MED13: variants seen among roughly 807,000 people sequenced by gnomAD.
MED13 encodes the protein mediator complex subunit 13, also known as mediator of RNA polymerase II transcription subunit 13.
A neutral mutation model predicts 225.2 loss-of-function variants in MED13; 23 were observed. That is an observed-to-expected ratio of 0.10 (90% CI 0.07 to 0.14). The LOEUF is 0.14. Among genes scored for constraint, MED13 ranks in the 10% least tolerant of loss-of-function variants. The pLI is 1.00. For missense variants in MED13, 2,197 were observed against 2,594.5 expected, an observed-to-expected ratio of 0.85 and a Z score of 3.33; for synonymous variants, 942 against 889.2, an observed-to-expected ratio of 1.06 and a Z score of -1.06.
At position 61,995,349 on chromosome 17, in the gene MED13, T is replaced by C. The variant is rs759052785; in HGVS notation, c.1984A>G (p.Lys662Glu). ...TCATCAGAAACTTTTAAAGGTTTCT[T>C]ACATTGCACCATTAACCTGCATAAA... ...TSVTELMVQC[K>E]KPLKVSDELV... Residue 662 changes from lysine to glutamate, a missense_variant, in exon 10 of 30, where the codon AAG (lysine) becomes GAG (glutamate). Coordinates refer to ENST00000397786, the MANE Select transcript of MED13 (RefSeq NM_005121.3). The C allele has an allele frequency of 6.2e-7, 1 of 1,608,792 alleles. No individual in the cohort carries two copies. Among genetic ancestry groups the C allele is most frequent in the East Asian group, 2.2e-5 (1 of 44,786 alleles).
In MED13 at chr17:61,951,060, A is replaced by G. The variant is rs551134135; in HGVS notation, c.6118-62T>C. On this transcript the variant is annotated intron_variant, in intron 27 of 29. Coordinates refer to ENST00000397786, the MANE Select transcript of MED13 (RefSeq NM_005121.3). ...CAGTGTAACTAAGTACCAGATATAA[A>G]CACAGAATGGCTCATAGCAATCAGT... The G allele has an allele frequency of 7.1e-5, 93 of 1,311,674 alleles. No individual in the cohort carries two copies. The East Asian group carries it at 2.1e-3, about 30-fold the overall frequency. 81.3% of individuals were successfully genotyped at this position (1,311,674 alleles called of 1,614,324 possible).
intron 22 of MED13, 114 bp from the exon 23 acceptor site, chr17:61,961,204 G>A (rs775801575): frequency 4.3e-6 from 4 of 938,500 alleles, no homozygotes; most frequent in Non-Finnish European, 6.2e-6. Flanking sequence ...TGACAGCTAA[G>A]CCAAAAATTG....
At chr17:62,017,400 G>A (rs1241241133) in intron 8 of MED13, among the ~76,000 whole-genome samples, 1 of 151,842 alleles carries the variant, frequency 6.6e-6, no homozygotes, top group African/African-American at 2.4e-5. Context: ...TCTAAATCAA[G>A]AGAAGAAACT....
intron 2 of MED13, among the ~76,000 whole-genome samples, chr17:62,053,912 G>C (rs1176029925): frequency 6.6e-6 from 1 of 152,146 alleles, no homozygotes; most frequent in East Asian, 1.9e-4. Context: ...AACTGCACTA[G>C]AAATTCTGTG....
At chr17:61,962,719 A>G (rs755212335) in intron 21 of MED13, 33 bp downstream of exon 21, 19 of 1,585,810 alleles carry the variant, frequency 1.2e-5, no homozygotes, top group African/African-American at 8.1e-5. Flanking sequence ...ACTGTTTTAC[A>G]TAATTTTAAC....
chr17:62,012,264 G>C (rs924330373), intron 8 of MED13, among the ~76,000 whole-genome samples: 1 of 150,502 alleles, frequency 6.6e-6, no homozygotes, highest in Non-Finnish European at 1.5e-5. Flanking sequence ...CTTTCAGTGC[G>C]CACTGAGATT....
chr17:61,982,338 C>T lies in MED13; in HGVS notation c.3665G>A (p.Arg1222His), dbSNP rs199889415. ...ATTGCAACAGTCACGCTCTTCAACA[C>T]GTACCCAATTGCTAATTACACCACT... is the stretch of plus-strand genomic sequence containing the variant. ...PKSGVISNWVRVEERDCCNDC... is the reference protein window; with the variant it reads ...PKSGVISNWVHVEERDCCNDC... The change falls in exon 16 of 30, where the codon CGT becomes CAT. Residue 1222 changes from arginine to histidine, a missense_variant. This residue lies in a region of MED13 where 203 missense variants were observed against 209.7 expected (regional missense o/e 0.97). Coordinates refer to ENST00000397786, the MANE Select transcript of MED13 (RefSeq NM_005121.3). 145 of 1,614,094 alleles carry T rather than the reference C, an allele frequency of 9.0e-5. No individual in the cohort carries two copies. The highest frequency in any genetic ancestry group is 8.7e-5 in the Non-Finnish European group (103 of 1,180,052).
chr17:62,015,944 ATATATATATATTTTTTTTTTTT>A (rs2080571009), intron 8 of MED13, among the ~76,000 whole-genome samples: 1 of 12,714 alleles, frequency 7.9e-5, no homozygotes, highest in African/African-American at 2.4e-4. Flanking sequence ...ATATATATAT[ATATATATATATTTTTTTTTTTT>A]TTTTTTTTTT....
chr17:61,971,406 C>T (rs2080108031), intron 17 of MED13, among the ~76,000 whole-genome samples: 1 of 150,888 alleles, frequency 6.6e-6, no homozygotes, highest in Admixed American at 6.7e-5. Context: ...GATTCTTCTT[C>T]TCCTGCCACA....
chr17:62,008,016 C>CA (rs60236710), intron 9 of MED13, among the ~76,000 whole-genome samples: 559 of 50,278 alleles, frequency 0.011, 11 homozygotes, highest in South Asian at 0.059. Context: ...GAGACTGTCT[C>CA]AAAAAAAAAA....
At position 62,031,426 on chromosome 17, in the gene MED13, G is replaced by T. The variant is rs773685633; in HGVS notation, c.1009+18C>A. On this transcript the variant is annotated intron_variant, in intron 6 of 29. Transcript: ENST00000397786. ...AATAACAAATTACCAGAGCTGATGA[G>T]ACAAATTACTGCTATACCTGTTTGG... is the stretch of plus-strand genomic sequence containing the variant. The T allele has an allele frequency of 4.5e-6, 7 of 1,540,330 alleles. No individual in the cohort carries two copies. The highest frequency in any genetic ancestry group is 5.3e-6 in the Non-Finnish European group (6 of 1,141,370).
chr17:61,983,194 C>A, intron 15 of MED13, 80 bp from the exon 16 acceptor site: 2 of 1,147,776 alleles, frequency 1.7e-6, no homozygotes, highest in Non-Finnish European at 2.3e-6. Context: ...CTAAAAACGT[C>A]CCAAATGTTT....
intron 8 of MED13, among the ~76,000 whole-genome samples, chr17:62,015,896 CACACAT>C (rs1209607719): frequency 6.8e-5 from 6 of 87,906 alleles, no homozygotes; most frequent in African/African-American, 2.0e-4. Flanking sequence ...TACACACACA[CACACAT>C]ACACACTATA....
intron 8 of MED13, among the ~76,000 whole-genome samples, chr17:62,015,562 T>C (rs1023087216): frequency 1.3e-5 from 2 of 151,700 alleles, no homozygotes; most frequent in African/African-American, 4.8e-5. Flanking sequence ...TTGTGTACTG[T>C]TTGAACTTTT....
At chr17:62,021,629 G>A (rs533553511) in intron 8 of MED13, among the ~76,000 whole-genome samples, 86 of 152,296 alleles carry the variant, frequency 5.6e-4, no homozygotes, top group African/African-American at 2.0e-3. Context: ...TGAAAAATGC[G>A]ACAAACAATT....
At chr17:61,971,368 CGGCAACCT>C (rs1202269188) in intron 17 of MED13, among the ~76,000 whole-genome samples, 1 of 149,464 alleles carries the variant, frequency 6.7e-6, no homozygotes, top group African/African-American at 2.5e-5. Context: ...CCTCGGCTGG[CGGCAACCT>C]GCGCCTCCCG....
chr17:62,011,479 C>T (rs1346767349), intron 8 of MED13, among the ~76,000 whole-genome samples: 1 of 152,090 alleles, frequency 6.6e-6, no homozygotes, highest in African/African-American at 2.4e-5. Flanking sequence ...TGTGATCAGA[C>T]AGCCAAAGAT....
chr17:61,958,743 G>C (rs930434368), intron 23 of MED13, among the ~76,000 whole-genome samples: 4 of 152,104 alleles, frequency 2.6e-5, no homozygotes, highest in Non-Finnish European at 5.9e-5. Context: ...AAAGTGTTGG[G>C]ATTACAGGCA....
At chr17:62,009,222 TTAA>T (rs900655062) in intron 9 of MED13, among the ~76,000 whole-genome samples, 4 of 152,128 alleles carry the variant, frequency 2.6e-5, no homozygotes, top group African/African-American at 9.7e-5. Context: ...TATAAATGTA[TTAA>T]TAACAACATA....
Sources: allele counts gnomAD v4.1 joint callset (sites outside exome capture counted in the v4.1 genomes callset), GRCh38; gene constraint gnomAD v4.1.1; regional missense constraint gnomAD v4.1.1; transcripts MANE v1.5; gene names NCBI Gene and HGNC (gene_info 2026-07-23, HGNC 2026-07-21).